GALNT13: variants seen among roughly 807,000 people sequenced by gnomAD.
GALNT13 encodes UDP-GalNAc:polypeptide N-acetylgalactosaminyltransferase 13.
In GALNT13, 28 loss-of-function variants were observed where a neutral mutation model predicts 64.2. The observed-to-expected ratio is 0.44, with a 90% confidence interval of 0.32 to 0.60. The LOEUF (loss-of-function observed/expected upper bound fraction) is 0.60, where lower values mean the gene tolerates loss of function less well. Among genes scored for constraint, GALNT13 ranks in the 20% least tolerant of loss-of-function variants. The pLI is 0.05. For missense variants in GALNT13, 577 were observed against 669.8 expected (o/e 0.86, Z 1.53); for synonymous variants, 214 against 224.6 (o/e 0.95, Z 0.42).
the GALNT13 span, among the ~76,000 whole-genome samples, chr2:153,607,825 A>T: frequency 2.0e-5 from 3 of 152,150 alleles, no homozygotes; most frequent in Non-Finnish European, 4.4e-5. Context: ...AATCATGGAC[A>T]CTTACCAGAA....
the GALNT13 span, among the ~76,000 whole-genome samples, chr2:153,660,246 G>A: frequency 6.6e-6 from 1 of 152,084 alleles, no homozygotes; most frequent in African/African-American, 2.4e-5. Context: ...GTGATGAGGG[G>A]TAACCAGAAT....
At chr2:153,335,337 C>T in the GALNT13 span, among the ~76,000 whole-genome samples, 1 of 152,106 alleles carries the variant, frequency 6.6e-6, no homozygotes, top group African/African-American at 2.4e-5. Context: ...TCAAAAAAGA[C>T]AGGAAAACAT....
intron 3 of GALNT13, among the ~76,000 whole-genome samples, chr2:154,041,477 A>T (rs1440357403): frequency 7.1e-6 from 1 of 140,162 alleles, no homozygotes; most frequent in African/African-American, 2.5e-5. Context: ...TTCTGGACAG[A>T]TATTAAGACA....
the GALNT13 span, among the ~76,000 whole-genome samples, chr2:153,247,426 T>C: frequency 6.6e-6 from 1 of 152,298 alleles, no homozygotes; most frequent in African/African-American, 2.4e-5. Context: ...ATGGAAATCA[T>C]AACTAACAGT....
intron 9 of GALNT13, among the ~76,000 whole-genome samples, chr2:154,360,088 A>T (rs1295913192): frequency 6.6e-6 from 1 of 152,120 alleles, no homozygotes; most frequent in Non-Finnish European, 1.5e-5. Context: ...GTTTTCTTTT[A>T]AAAAATAATA....
At chr2:153,567,043 T>G in the GALNT13 span, among the ~76,000 whole-genome samples, 1 of 152,312 alleles carries the variant, frequency 6.6e-6, no homozygotes, top group Non-Finnish European at 1.5e-5. Context: ...TTTTATACTC[T>G]TCTTATTGGT....
At chr2:153,730,002 T>C in the GALNT13 span, among the ~76,000 whole-genome samples, 1 of 151,864 alleles carries the variant, frequency 6.6e-6, no homozygotes, top group Admixed American at 6.6e-5. Flanking sequence ...ATTGTTAAAA[T>C]AACCACACTG....
chr2:154,164,692 A>G (rs894192949), intron 4 of GALNT13, among the ~76,000 whole-genome samples: 1 of 152,164 alleles, frequency 6.6e-6, no homozygotes, highest in African/African-American at 2.4e-5. Flanking sequence ...TGTAAGGAAC[A>G]TAAGAAAACG....
At chr2:154,442,796 G>T (rs1175313266) in intron 12 of GALNT13, among the ~76,000 whole-genome samples, 1 of 151,828 alleles carries the variant, frequency 6.6e-6, no homozygotes, top group African/African-American at 2.4e-5. Context: ...TTTTAGATCA[G>T]AACACTTATG....
chr2:154,173,419 TC>T, intron 4 of GALNT13, among the ~76,000 whole-genome samples: 1 of 151,824 alleles, frequency 6.6e-6, no homozygotes, highest in Non-Finnish European at 1.5e-5. Flanking sequence ...AAGACTTAAA[TC>T]TAAGACCTGA....
intron 9 of GALNT13, among the ~76,000 whole-genome samples, chr2:154,370,206 T>C (rs1697604193): frequency 6.6e-6 from 1 of 152,072 alleles, no homozygotes; most frequent in South Asian, 2.1e-4. Flanking sequence ...GATTTATATA[T>C]AGGTAGAAAA....
At chr2:153,256,710 C>T in the GALNT13 span, among the ~76,000 whole-genome samples, 38 of 152,036 alleles carry the variant, frequency 2.5e-4, no homozygotes, top group Admixed American at 1.8e-3. Flanking sequence ...AGTACCAGGC[C>T]GTGTGAGGTG....
chr2:153,609,813 A>G, the GALNT13 span, among the ~76,000 whole-genome samples: 1 of 152,188 alleles, frequency 6.6e-6, no homozygotes, highest in Non-Finnish European at 1.5e-5. Context: ...CAGCAAATGA[A>G]TAAGTAGATT....
the GALNT13 span, among the ~76,000 whole-genome samples, chr2:153,303,408 G>A: frequency 6.6e-6 from 1 of 152,030 alleles, no homozygotes; most frequent in Admixed American, 6.6e-5. Context: ...GTATCCTGCT[G>A]CTTCATTAAA....
chr2:154,212,227 C>T (rs991029168), intron 4 of GALNT13, among the ~76,000 whole-genome samples: 6 of 151,522 alleles, frequency 4.0e-5, no homozygotes, highest in Non-Finnish European at 7.4e-5. Context: ...TAGGGGGTAG[C>T]GTTTTGAAGA....
At chr2:153,720,424 G>A in the GALNT13 span, among the ~76,000 whole-genome samples, 6,139 of 151,870 alleles carry the variant, frequency 0.04, 165 homozygotes, top group Middle Eastern at 0.061. Context: ...CCAAAGGAAC[G>A]CAGTTCCTCA....
chr2:153,258,926 C>G, the GALNT13 span, among the ~76,000 whole-genome samples: 1 of 152,134 alleles, frequency 6.6e-6, no homozygotes, highest in African/African-American at 2.4e-5. Context: ...TATTCTATAG[C>G]CATTAGATGA....
At chr2:154,360,710 A>G (rs937675663) in intron 9 of GALNT13, among the ~76,000 whole-genome samples, 2 of 152,106 alleles carry the variant, frequency 1.3e-5, no homozygotes, top group Non-Finnish European at 2.9e-5. Flanking sequence ...TTGAGCACGT[A>G]TGTTGTACCA....
chr2:154,164,914 T>A (rs1477369459), intron 4 of GALNT13, among the ~76,000 whole-genome samples: 1 of 152,110 alleles, frequency 6.6e-6, no homozygotes, highest in African/African-American at 2.4e-5. Flanking sequence ...CTTGTTTTTC[T>A]TTCCCCCTTT....
Sources: gnomAD v4.1 joint callset for allele counts (sites outside exome capture counted in the v4.1 genomes callset) on GRCh38, gnomAD v4.1.1 for gene constraint, MANE v1.5 for transcripts, NCBI Gene and HGNC (gene_info 2026-07-23, HGNC 2026-07-21) for gene names.